Variants in STK32B observed in about 807,000 individuals in gnomAD.
The protein encoded by STK32B is serine/threonine kinase 32B.
In STK32B, 43 loss-of-function variants were observed where a neutral mutation model predicts 52.6. The ratio of observed to expected loss-of-function variants is 0.82; its 90% confidence interval spans 0.64 to 1.05. STK32B has a LOEUF of 1.05. Ranked by LOEUF, STK32B falls within the 50% of genes least tolerant of loss-of-function variation. The probability of loss-of-function intolerance (pLI) is 0.00; values close to 1 mark genes in which losing one functional copy is unlikely to be tolerated. For missense variants in STK32B, 621 were observed against 534.6 expected, an observed-to-expected ratio of 1.16 and a Z score of -1.59; for synonymous variants, 238 against 204.3, an observed-to-expected ratio of 1.17 and a Z score of -1.41.
intron 1 of STK32B, among the ~76,000 whole-genome samples, chr4:5,126,296 C>T (rs1715360266): frequency 6.6e-6 from 1 of 152,162 alleles, no homozygotes; most frequent in Non-Finnish European, 1.5e-5. Flanking sequence ...CATTTTTCTT[C>T]TCTCCCTCCA....
chr4:5,328,072 C>T (rs907149900), intron 3 of STK32B, among the ~76,000 whole-genome samples: 1 of 152,134 alleles, frequency 6.6e-6, no homozygotes, highest in African/African-American at 2.4e-5. Flanking sequence ...AGCTCTTTTT[C>T]TGCAACTCCC....
At chr4:5,023,948 T>C in the STK32B span, among the ~76,000 whole-genome samples, 1 of 152,156 alleles carries the variant, frequency 6.6e-6, no homozygotes, top group South Asian at 2.1e-4. Flanking sequence ...CCTATGTCAG[T>C]TAGGACTGTA....
chr4:5,402,786 G>C (rs1367132958), intron 5 of STK32B, among the ~76,000 whole-genome samples: 1 of 152,216 alleles, frequency 6.6e-6, no homozygotes, highest in Non-Finnish European at 1.5e-5. Flanking sequence ...ACCCGTTGGG[G>C]TCAAGGCCAG....
At chr4:5,436,013 G>C (rs1238007004) in intron 6 of STK32B, 1 of 152,252 alleles carries the variant, frequency 6.6e-6, no homozygotes, top group Admixed American at 6.5e-5. Flanking sequence ...GACAGAGACA[G>C]GGTGTTCCAG....
At chr4:5,149,234 A>C (rs1475304315) in intron 2 of STK32B, among the ~76,000 whole-genome samples, 3 of 151,702 alleles carry the variant, frequency 2.0e-5, no homozygotes, top group African/African-American at 2.4e-5. Context: ...TTTTATATTT[A>C]ACATTAATTT....
rs866736557 is a variant in STK32B at position 5,316,246 on chromosome 4, G to A, written c.261-14974G>A. ...TATTATATATACAATATTATATATT[G>A]TATATATAATATATTATATAGTATA... On this transcript the variant is annotated intron_variant, in intron 3 of 11. Transcript: ENST00000282908. Among the ~76,000 whole-genome samples the A allele has an allele frequency of 6.7e-3, 297 of 44,078 alleles. 3 individuals carry two copies. The highest frequency in any genetic ancestry group is 0.06 in the African/African-American group (219 of 3,630). 28.9% of individuals were successfully genotyped at this position (44,078 alleles called of 152,430 possible). A position where few individuals can be genotyped will look rare whatever the true frequency, so the allele number is the denominator to read the frequency against.
At chr4:5,186,783 T>C (rs890840646) in intron 3 of STK32B, among the ~76,000 whole-genome samples, 1 of 152,198 alleles carries the variant, frequency 6.6e-6, no homozygotes, top group Admixed American at 6.5e-5. Context: ...GGCTCTCCTA[T>C]CTAGAGTCCC....
chr4:5,126,910 T>A (rs1011376801), intron 1 of STK32B, among the ~76,000 whole-genome samples: 2 of 152,184 alleles, frequency 1.3e-5, no homozygotes, highest in Admixed American at 6.5e-5. Flanking sequence ...TAGAGTCTAC[T>A]GATATTTTTC....
intron 3 of STK32B, among the ~76,000 whole-genome samples, chr4:5,233,558 T>A (rs749139004): frequency 2.6e-5 from 4 of 151,268 alleles, no homozygotes; most frequent in Non-Finnish European, 5.9e-5. Flanking sequence ...CTGTGAAGAG[T>A]TCAAATTTAA....
chr4:5,034,586 G>T, the STK32B span, among the ~76,000 whole-genome samples: 4 of 152,332 alleles, frequency 2.6e-5, no homozygotes, highest in African/African-American at 9.6e-5. Context: ...CACAGTTTGT[G>T]CCTGATGCTC....
In STK32B at chr4:5,244,950, T is replaced by C. The variant is rs143456163; in HGVS notation, c.260+76500T>C. On this transcript the variant is annotated intron_variant, in intron 3 of 11. Transcript: ENST00000282908. ...CACTGTGGTCTGAGACACAGTTTGT[T>C]ATAATTTCTGTTCTTTTGCATTTGC... Among the ~76,000 whole-genome samples, 345 of 152,360 alleles carry C rather than the reference T, an allele frequency of 2.3e-3. 4 individuals are homozygous for C. The highest frequency in any genetic ancestry group is 0.016 in the Admixed American group (250 of 15,312).
intron 3 of STK32B, among the ~76,000 whole-genome samples, chr4:5,268,953 C>T (rs951354887): frequency 1.3e-5 from 2 of 151,942 alleles, no homozygotes; most frequent in African/African-American, 4.8e-5. Flanking sequence ...AAGATGGGAG[C>T]TTTAGGATAC....
At chr4:5,334,361 C>G (rs1392329440) in intron 4 of STK32B, among the ~76,000 whole-genome samples, 2 of 152,092 alleles carry the variant, frequency 1.3e-5, no homozygotes, top group East Asian at 3.8e-4. Context: ...TGCTTATCAG[C>G]TTAAGGAGAT....
At position 5,261,092 on chromosome 4, in the gene STK32B, G is replaced by C. The variant is rs28438694; in HGVS notation, c.261-70128G>C. Among the ~76,000 whole-genome samples, 1,103 of 152,246 alleles carry C rather than the reference G, an allele frequency of 7.2e-3. 19 individuals are homozygous for C. The highest frequency in any genetic ancestry group is 0.071 in the East Asian group (369 of 5,170). ...CAAACATGGCTGATAGCTGAAGGCTGTCTCCTCTCAGTACCTCCAGCAGCT... is the reference window on the plus strand; with the variant it reads ...CAAACATGGCTGATAGCTGAAGGCTCTCTCCTCTCAGTACCTCCAGCAGCT... On this transcript the variant is annotated intron_variant, in intron 3 of 11. Transcript: ENST00000282908.
At chr4:5,196,191 C>T (rs556507435) in intron 3 of STK32B, among the ~76,000 whole-genome samples, 2 of 152,224 alleles carry the variant, frequency 1.3e-5, no homozygotes, top group African/African-American at 2.4e-5. Context: ...CACCTGGGAT[C>T]GTCTCATGGG....
intron 6 of STK32B, among the ~76,000 whole-genome samples, chr4:5,442,052 G>C (rs1714830120): frequency 9.2e-6 from 1 of 108,738 alleles, no homozygotes. Flanking sequence ...AATAGGTGTG[G>C]TGTGGTGCTG....
intron 4 of STK32B, among the ~76,000 whole-genome samples, chr4:5,339,541 C>A (rs1163663118): frequency 6.6e-6 from 1 of 152,100 alleles, no homozygotes; most frequent in Non-Finnish European, 1.5e-5. Flanking sequence ...AATTCAAGAG[C>A]TGAATTTATG....
At chr4:5,475,298 G>A (rs992056818) in intron 11 of STK32B, among the ~76,000 whole-genome samples, 6 of 151,292 alleles carry the variant, frequency 4.0e-5, no homozygotes, top group African/African-American at 7.3e-5. Flanking sequence ...GGTGGCAGGC[G>A]CCTGTAATCC....
chr4:5,069,524 G>A (rs989404998), intron 1 of STK32B, among the ~76,000 whole-genome samples: 12 of 152,258 alleles, frequency 7.9e-5, no homozygotes, highest in African/African-American at 2.4e-4. Flanking sequence ...GTGGTTAAGA[G>A]CACAGACTCT....
Sources: allele counts gnomAD v4.1 joint callset (sites outside exome capture counted in the v4.1 genomes callset), GRCh38; gene constraint gnomAD v4.1.1; transcripts MANE v1.5; gene names NCBI Gene and HGNC (gene_info 2026-07-23, HGNC 2026-07-21).